The following RFX2 variants were observed in gnomAD, a reference collection of about 807,000 sequenced individuals.
RFX2 encodes regulatory factor X2.
RFX2 carries 20 observed loss-of-function variants against 87.8 expected under a neutral mutation model. The observed-to-expected ratio is 0.23, with a 90% CI of 0.16 to 0.33. The LOEUF (loss-of-function observed/expected upper bound fraction) is 0.33, where lower values mean the gene tolerates loss of function less well. Ranked by LOEUF, RFX2 falls within the 10% of genes least tolerant of loss-of-function variation. RFX2 has a pLI of 1.00. For missense variants in RFX2, 767 were observed against 1,012.3 expected, an observed-to-expected ratio of 0.76 and a Z score of 3.29; for synonymous variants, 397 against 431.3, an observed-to-expected ratio of 0.92 and a Z score of 0.98.
At chr19:6,076,893 C>T (rs1385853806) in intron 1 of RFX2, 1 of 152,200 alleles carries the variant, frequency 6.6e-6, no homozygotes, top group Non-Finnish European at 1.5e-5. Flanking sequence ...TAACCAAGTA[C>T]TTAATACTTG....
rs144128984 is a variant in RFX2, at chr19:6,016,539, C to T, written c.598-268G>A. On this transcript the variant is annotated intron_variant, in intron 6 of 17. Coordinates refer to ENST00000303657, the MANE Select transcript of RFX2 (RefSeq NM_000635.4). This position sits in a 1 kb window ranked among gnomAD's most constrained non-coding sequence, Gnocchi z 5.4. Reference sequence around the variant, plus strand: ...CCAGGTAGCTGGGATTACAGGTGTCCGACACCACATCTGGCTAGTTTTTGT... The same window carrying T: ...CCAGGTAGCTGGGATTACAGGTGTCTGACACCACATCTGGCTAGTTTTTGT... 7.2e-5 allele frequency among the ~76,000 whole-genome samples: 11 copies of T among 152,126 alleles called. No homozygotes were observed. The East Asian group carries it at 1.9e-3, about 27-fold the overall frequency.
chr19:6,023,000 A>AGGTG lies in RFX2; in HGVS notation c.597+3159_597+3162dup, dbSNP rs2086838938. ...CAGAGATGTCTGTGAGGGGTTCCCT[A>AGGTG]GGTGGGTTTCCCACGTCTTCCACCT... On this transcript the variant is annotated intron_variant, in intron 6 of 17. Transcript: ENST00000303657. This position sits in a 1 kb window ranked among gnomAD's most constrained non-coding sequence, Gnocchi z 6.2. The AGGTG allele has an allele frequency of 6.6e-6, 1 of 152,380 alleles. No individual in the cohort carries two copies. Among genetic ancestry groups the AGGTG allele is most frequent in the East Asian group, 1.9e-4 (1 of 5,206 alleles). The allele number at this position is 152,380 out of a possible 1,614,324, so 9.4% of individuals were successfully genotyped here.
intron 5 of RFX2, among the ~76,000 whole-genome samples, chr19:6,031,289 T>A (rs890049349): frequency 2.0e-5 from 3 of 152,142 alleles, no homozygotes; most frequent in African/African-American, 7.2e-5. Flanking sequence ...TCTGGTGGAC[T>A]TCCCATCTCA....
In RFX2 at chr19:6,016,724, C is replaced by T. The variant is rs1320746059; in HGVS notation, c.598-453G>A. 6.6e-6 allele frequency among the ~76,000 whole-genome samples: 1 copy of T among 152,210 alleles called. No individual in the cohort carries two copies. ...ATCTTTATGGTCACTGATTTGAGTT[C>T]TCTAAGCAGATTAATGAATCCCTCA... On this transcript the variant is annotated intron_variant, in intron 6 of 17. Coordinates refer to ENST00000303657, the MANE Select transcript of RFX2 (RefSeq NM_000635.4). This position sits in a 1 kb window ranked among gnomAD's most constrained non-coding sequence, Gnocchi z 5.4.
rs566299909 is a variant in RFX2 at position 6,062,295 on chromosome 19, G to A, written c.-8-14791C>T. Among the ~76,000 whole-genome samples the A allele has an allele frequency of 3.9e-5, 6 of 152,308 alleles. No homozygotes were observed. In the South Asian group the frequency reaches 6.2e-4, roughly 16 times the overall value. On this transcript the variant is annotated intron_variant, in intron 1 of 17. Coordinates refer to ENST00000303657, the MANE Select transcript of RFX2 (RefSeq NM_000635.4). ...GTGGCCAGACCGAGCCCCAGACTGC[G>A]GGCAAAGCTGGTATACGTGGGGGCT...
chr19:6,016,040 T>TC lies in RFX2; in HGVS notation c.779+49dup, dbSNP rs765287570. The TC allele has an allele frequency of 1.3e-6, 2 of 1,513,028 alleles. No homozygotes were observed. 93.7% of individuals were successfully genotyped at this position (1,513,028 alleles called of 1,614,324 possible). On this transcript the variant is annotated intron_variant, in intron 7 of 17. Transcript: ENST00000303657. This position sits in a 1 kb window ranked among gnomAD's most constrained non-coding sequence, Gnocchi z 5.4. ...CTCGCATTTTCCCAAAAGCTCCATT[T>TC]CTTGGGAAAGGAAGAGGAAGAACAG...
In RFX2 at chr19:6,068,176, T is replaced by C. The variant is rs80056373; in HGVS notation, c.-8-20672A>G. ...GGAGGCTTTGCTTAGGGGACACGGC[T>C]GGGTTCTGCCTGGATGCTGCATCCC... On this transcript the variant is annotated intron_variant, in intron 1 of 17. Transcript: ENST00000303657. 695 of 152,328 alleles carry C rather than the reference T, an allele frequency of 4.6e-3. 7 individuals carry two copies. In the East Asian group the frequency reaches 0.071, roughly 16 times the overall value. The allele number at this position is 152,328 out of a possible 1,614,324, so 9.4% of individuals were successfully genotyped here. A position where few individuals can be genotyped will look rare whatever the true frequency, so the allele number is the denominator to read the frequency against.
At position 6,040,917 on chromosome 19, in the gene RFX2, C is replaced by T. The variant is rs1183790171; in HGVS notation, c.261-676G>A. Reference sequence around the variant, plus strand: ...AAAAATGCAAAGAAATAGACACGCACGCACATGCAAGGGTACACACATGAA... The same window carrying T: ...AAAAATGCAAAGAAATAGACACGCATGCACATGCAAGGGTACACACATGAA... On this transcript the variant is annotated intron_variant, in intron 4 of 17. Transcript: ENST00000303657. The surrounding 1 kb of genome is among the most constrained non-coding windows in gnomAD (Gnocchi z 6.1). Among the ~76,000 whole-genome samples the T allele has an allele frequency of 7.2e-5, 11 of 152,102 alleles. No homozygotes were observed. Among genetic ancestry groups the T allele is most frequent in the Non-Finnish European group, 1.5e-4 (10 of 68,038 alleles).
At position 5,998,817 on chromosome 19, in the gene RFX2, G is replaced by A. The variant is rs927748722; in HGVS notation, c.1860-1604C>T. 6.6e-6 allele frequency among the ~76,000 whole-genome samples: 1 copy of A among 152,180 alleles called. No individual in the cohort carries two copies. Among genetic ancestry groups the A allele is most frequent in the East Asian group, 1.9e-4 (1 of 5,206 alleles). ...CTCCCAGAGAGTAGGAGCATCGGCC[G>A]ACCACCACCAAGGGAGGCCCAGCCA... On this transcript the variant is annotated intron_variant, in intron 15 of 17. Coordinates refer to ENST00000303657, the MANE Select transcript of RFX2 (RefSeq NM_000635.4). This position sits in a 1 kb window ranked among gnomAD's most constrained non-coding sequence, Gnocchi z 4.2.
intron 6 of RFX2, among the ~76,000 whole-genome samples, chr19:6,019,049 T>C (rs533212387): frequency 2.0e-5 from 3 of 152,152 alleles, no homozygotes; most frequent in African/African-American, 4.8e-5. Flanking sequence ...TGAAGTGCAG[T>C]GTCCCCCACC....
At chr19:6,090,546 G>A (rs1027162487) in intron 1 of RFX2, among the ~76,000 whole-genome samples, 1 of 152,128 alleles carries the variant, frequency 6.6e-6, no homozygotes, top group African/African-American at 2.4e-5. Context: ...AAAAATAAAA[G>A]TGTTGGTGAG....
intron 1 of RFX2, among the ~76,000 whole-genome samples, chr19:6,075,306 C>T (rs1006249835): frequency 2.7e-5 from 4 of 150,044 alleles, no homozygotes; most frequent in Non-Finnish European, 5.9e-5. Flanking sequence ...AGAAGATGGA[C>T]TTAGAGACAC....
chr19:6,010,165 A>G lies in RFX2; in HGVS notation c.986T>C (p.Val329Ala). Residue 329 changes from valine (V) to alanine (A), a missense_variant, in exon 9 of 18, where the codon GTG (valine) becomes GCG (alanine). This residue lies in a region of RFX2 where 621 missense variants were observed against 873.0 expected (regional missense o/e 0.71). Coordinates refer to ENST00000303657, the MANE Select transcript of RFX2 (RefSeq NM_000635.4). This position sits in a 1 kb window ranked among gnomAD's most constrained non-coding sequence, Gnocchi z 5.0. ...GTACTGCTGGTGGTGCTGGCTCTGCACGGCCATGGTCTGTTCCGGAGTGCT... is the reference window on the plus strand; with the variant it reads ...GTACTGCTGGTGGTGCTGGCTCTGCGCGGCCATGGTCTGTTCCGGAGTGCT... ...LHSTPEQTMA[V>A]QSQHHQQYID... The G allele has an allele frequency of 6.5e-7, 1 of 1,548,624 alleles. No individual in the cohort carries two copies. Among genetic ancestry groups the G allele is most frequent in the Middle Eastern group, 2.2e-4 (1 of 4,606 alleles).
rs528943682 is a variant in RFX2, at chr19:5,997,057, C to G, written c.2013+3G>C. The G allele has an allele frequency of 9.9e-6, 16 of 1,608,662 alleles. 1 individual carries two copies. In the South Asian group the frequency reaches 1.6e-4, roughly 17 times the overall value. ...CGGCCGTCCCACCCAGGAGGGTCCT[C>G]ACCTCTCCCATCACAGCGATCGGCG... On this transcript the variant is annotated splice_donor_region_variant and intron_variant, in intron 16 of 17. Coordinates refer to ENST00000303657, the MANE Select transcript of RFX2 (RefSeq NM_000635.4). This position sits in a 1 kb window ranked among gnomAD's most constrained non-coding sequence, Gnocchi z 4.2.
At chr19:6,085,626 C>T (rs1346437716) in intron 1 of RFX2, among the ~76,000 whole-genome samples, 1 of 152,168 alleles carries the variant, frequency 6.6e-6, no homozygotes, top group Non-Finnish European at 1.5e-5. Flanking sequence ...ATGGCCTAAT[C>T]CTTCTGTTTT....
At position 6,056,880 on chromosome 19, in the gene RFX2, G is replaced by A. The variant is rs2087351034; in HGVS notation, c.-8-9376C>T. Among the ~76,000 whole-genome samples, 1 of 152,272 alleles carries A rather than the reference G, an allele frequency of 6.6e-6. No homozygotes were observed. Among genetic ancestry groups the A allele is most frequent in the Admixed American group, 6.5e-5 (1 of 15,292 alleles). ...TCGGAACAGCCAATATAAAGGGGAG[G>A]GGCCGCAACACGACCTGTCACCCAG... On this transcript the variant is annotated intron_variant, in intron 1 of 17. Coordinates refer to ENST00000303657, the MANE Select transcript of RFX2 (RefSeq NM_000635.4). The surrounding 1 kb of genome is among the most constrained non-coding windows in gnomAD (Gnocchi z 4.6).
rs1236730224 is a variant in RFX2 at position 6,002,152 on chromosome 19, C to G, written c.1651-129G>C. On this transcript the variant is annotated intron_variant, in intron 14 of 17. Transcript: ENST00000303657. The surrounding 1 kb of genome is among the most constrained non-coding windows in gnomAD (Gnocchi z 6.7). ...GCCTTCTCGCCCTTGACCTTGACAG[C>G]TGCAAGCCAAGTCCTGTGTCTCCCG... is the stretch of plus-strand genomic sequence containing the variant. 1.3e-6 allele frequency: 1 copy of G among 768,034 alleles called. No homozygotes were observed. Among genetic ancestry groups the G allele is most frequent in the African/African-American group, 1.8e-5 (1 of 56,384 alleles). 47.6% of individuals were successfully genotyped at this position (768,034 alleles called of 1,614,324 possible). A position where few individuals can be genotyped will look rare whatever the true frequency, so the allele number is the denominator to read the frequency against.
chr19:6,070,621 C>T (rs1192004645), intron 1 of RFX2, among the ~76,000 whole-genome samples: 2 of 152,214 alleles, frequency 1.3e-5, no homozygotes, highest in South Asian at 2.1e-4. Context: ...CCAATACTTG[C>T]CCCCACCCCA....
At chr19:6,067,410 C>T (rs1279220992) in intron 1 of RFX2, among the ~76,000 whole-genome samples, 1 of 152,164 alleles carries the variant, frequency 6.6e-6, no homozygotes, top group Non-Finnish European at 1.5e-5. Flanking sequence ...TCTTTGACAT[C>T]ACTGCGCCGG....
Sources: allele counts gnomAD v4.1 joint callset (sites outside exome capture counted in the v4.1 genomes callset), GRCh38; gene constraint gnomAD v4.1.1; regional missense constraint gnomAD v4.1.1; non-coding constraint Gnocchi (gnomAD v3.1); transcripts MANE v1.5; gene names NCBI Gene and HGNC (gene_info 2026-07-23, HGNC 2026-07-21).